Variants in EYA1 observed in about 807,000 individuals in gnomAD.
The protein encoded by EYA1 is protein phosphatase EYA1.
A neutral mutation model predicts 82.0 loss-of-function variants in EYA1; 16 were observed. The observed-to-expected ratio is 0.20, with a 90% confidence interval of 0.13 to 0.30. The LOEUF (loss-of-function observed/expected upper bound fraction) is 0.30. Among genes scored for constraint, EYA1 ranks in the 10% least tolerant of loss-of-function variants. EYA1 has a pLI of 1.00. For synonymous variants in EYA1, 261 were observed against 264.4 expected, an observed-to-expected ratio of 0.99 and a Z score of 0.12; for missense variants, 633 against 730.7, an observed-to-expected ratio of 0.87 and a Z score of 1.54.
At chr8:71,460,944 G>C (rs974068288) in intron 2 of EYA1, among the ~76,000 whole-genome samples, 2 of 152,172 alleles carry the variant, frequency 1.3e-5, no homozygotes, top group Non-Finnish European at 2.9e-5. Context: ...CAAAGAACTT[G>C]AAAGTTTATA....
chr8:71,477,137 G>C (rs1809726831), intron 2 of EYA1, among the ~76,000 whole-genome samples: 1 of 151,962 alleles, frequency 6.6e-6, no homozygotes, highest in Non-Finnish European at 1.5e-5. Flanking sequence ...GAGAGACACA[G>C]GATTACATCT....
intron 2 of EYA1, among the ~76,000 whole-genome samples, chr8:71,412,146 G>A (rs371119999): frequency 4.0e-4 from 53 of 131,406 alleles, no homozygotes; most frequent in Non-Finnish European, 7.1e-4. Context: ...ACCAAACACC[G>A]CATATTCTCA....
intron 2 of EYA1, among the ~76,000 whole-genome samples, chr8:71,408,254 G>A (rs1005892446): frequency 6.6e-6 from 1 of 152,092 alleles, no homozygotes; most frequent in Non-Finnish European, 1.5e-5. Context: ...ACTGGTACCA[G>A]CCGCTGCAAA....
At chr8:71,244,791 G>C in intron 11 of EYA1, 99 bp from the exon 12 acceptor site, 1 of 726,800 alleles carries the variant, frequency 1.4e-6, no homozygotes, top group South Asian at 1.6e-5. Flanking sequence ...GAGGCTGAAA[G>C]CAAGAGACAC....
At position 71,305,120 on chromosome 8, in the gene EYA1, A is replaced by G. The variant is rs141825866; in HGVS notation, c.557-5400T>C. On this transcript the variant is annotated intron_variant, in intron 7 of 17. Transcript: ENST00000340726. The stretch of plus-strand genomic sequence containing the variant: ...GTTGGATTTGCAAGGGTCTTCACTT[A>G]CAACTTTTGGTCACAGAATTATTTG... Among the ~76,000 whole-genome samples the G allele has an allele frequency of 2.2e-3, 318 of 143,362 alleles. 18 individuals are homozygous for G. The highest frequency in any genetic ancestry group is 7.5e-3 in the African/African-American group (303 of 40,576). 94.1% of individuals were successfully genotyped at this position (143,362 alleles called of 152,430 possible).
intron 9 of EYA1, among the ~76,000 whole-genome samples, chr8:71,285,375 C>T (rs1818257191): frequency 6.6e-6 from 1 of 152,122 alleles, no homozygotes; most frequent in South Asian, 2.1e-4. Flanking sequence ...TCCTGTAATT[C>T]TTAGAATGTT....
At chr8:71,429,868 G>A (rs528977487) in intron 2 of EYA1, among the ~76,000 whole-genome samples, 27 of 152,100 alleles carry the variant, frequency 1.8e-4, no homozygotes, top group Admixed American at 3.9e-4. Flanking sequence ...GTCAAATGAA[G>A]TTCTTTGATA....
intron 7 of EYA1, among the ~76,000 whole-genome samples, chr8:71,305,611 G>A (rs114495113): frequency 0.026 from 3,987 of 151,554 alleles, 206 homozygotes; most frequent in African/African-American, 0.092. Flanking sequence ...ATGCTATTGC[G>A]CTCCAGCTTG....
chr8:71,239,690 A>AGG (rs1454532866), intron 12 of EYA1, among the ~76,000 whole-genome samples: 6 of 152,080 alleles, frequency 3.9e-5, no homozygotes, highest in African/African-American at 1.4e-4. Flanking sequence ...TGGCTTGTGG[A>AGG]GGGGTTTGGA....
chr8:71,331,228 C>CTAAA (rs1375368499), intron 4 of EYA1, among the ~76,000 whole-genome samples: 62 of 146,058 alleles, frequency 4.2e-4, no homozygotes, highest in African/African-American at 1.6e-3. Flanking sequence ...GACTCTGTCT[C>CTAAA]TAAATAAATA....
At chr8:71,407,368 G>C (rs1387315582) in intron 2 of EYA1, among the ~76,000 whole-genome samples, 9 of 139,596 alleles carry the variant, frequency 6.4e-5, no homozygotes, top group Non-Finnish European at 1.1e-4. Flanking sequence ...AACAAAGCTG[G>C]ATGGAGAATG....
chr8:71,318,770 T>G (rs1331916032), intron 6 of EYA1, among the ~76,000 whole-genome samples: 1 of 152,170 alleles, frequency 6.6e-6, no homozygotes, highest in East Asian at 1.9e-4. Flanking sequence ...ATCAGCAGAG[T>G]ACAGCTAGGT....
chr8:71,200,454 T>C (rs1332529810), intron 17 of EYA1, among the ~76,000 whole-genome samples: 1 of 152,210 alleles, frequency 6.6e-6, no homozygotes, highest in Non-Finnish European at 1.5e-5. Flanking sequence ...ATACAAACTA[T>C]TACTTATTAA....
At chr8:71,518,236 T>C (rs1813127553) in intron 2 of EYA1, among the ~76,000 whole-genome samples, 2 of 152,158 alleles carry the variant, frequency 1.3e-5, no homozygotes, top group Admixed American at 1.3e-4. Context: ...CTTTACTACA[T>C]ACTTACTTAG....
At chr8:71,241,454 GC>G (rs1812471471) in intron 12 of EYA1, among the ~76,000 whole-genome samples, 1 of 152,106 alleles carries the variant, frequency 6.6e-6, no homozygotes, top group African/African-American at 2.4e-5. Flanking sequence ...GTTACTGAAA[GC>G]CCCTCACAGA....
At chr8:71,485,189 A>G (rs1027782381) in intron 2 of EYA1, among the ~76,000 whole-genome samples, 16 of 152,236 alleles carry the variant, frequency 1.1e-4, no homozygotes, top group African/African-American at 3.9e-4. Flanking sequence ...ACTAAGTAAC[A>G]TTAGATAAAG....
At chr8:71,428,957 A>G (rs1402063674) in intron 2 of EYA1, among the ~76,000 whole-genome samples, 1 of 152,168 alleles carries the variant, frequency 6.6e-6, no homozygotes, top group African/African-American at 2.4e-5. Context: ...GAACCTGAAT[A>G]CCCCAGAGGC....
intron 3 of EYA1, 172 bp from the exon 4 acceptor site, chr8:71,334,346 T>C (rs1487106551): frequency 1.6e-5 from 11 of 686,934 alleles, no homozygotes; most frequent in African/African-American, 1.6e-4. Context: ...AATTCACATA[T>C]TAAGTTCTTT....
intron 11 of EYA1, among the ~76,000 whole-genome samples, chr8:71,245,952 C>T (rs1452913721): frequency 6.6e-6 from 1 of 152,152 alleles, no homozygotes; most frequent in African/African-American, 2.4e-5. Flanking sequence ...GTCAGCCTCT[C>T]CCTACAAGCC....
Sources: gnomAD v4.1 joint callset for allele counts (sites outside exome capture counted in the v4.1 genomes callset) on GRCh38, gnomAD v4.1.1 for gene constraint, MANE v1.5 for transcripts, NCBI Gene and HGNC (gene_info 2026-07-23, HGNC 2026-07-21) for gene names.